Variants in GRM1 observed in about 807,000 individuals in gnomAD.
GRM1 encodes the protein glutamate metabotropic receptor 1.
A neutral mutation model predicts 90.9 loss-of-function variants in GRM1; 33 were observed. That is an observed-to-expected ratio of 0.36 (90% CI 0.28 to 0.49). GRM1 has a LOEUF of 0.49. Among genes scored for constraint, GRM1 ranks in the 20% least tolerant of loss-of-function variants. The pLI, the probability that GRM1 is intolerant of heterozygous loss-of-function variation, is 0.99. For synonymous variants in GRM1, 700 were observed against 613.2 expected (o/e 1.14, Z -2.09); for missense variants, 1,190 against 1,534.3 (o/e 0.78, Z 3.75).
intron 1 of GRM1, among the ~76,000 whole-genome samples, chr6:146,118,140 C>CTTTTTTTT (rs67033918): frequency 8.5e-4 from 98 of 115,410 alleles, no homozygotes; most frequent in East Asian, 9.8e-4. Context: ...TTCTTCTTTT[C>CTTTTTTTT]TTTTTTTTTT....
At chr6:146,125,487 C>A (rs1304072073) in intron 1 of GRM1, among the ~76,000 whole-genome samples, 1 of 150,774 alleles carries the variant, frequency 6.6e-6, no homozygotes, top group Non-Finnish European at 1.5e-5. Context: ...TTTCTCTCAC[C>A]TTTTCCACCC....
At position 146,426,094 on chromosome 6, in the gene GRM1, T is replaced by A. The variant is rs117751883; in HGVS notation, c.2661-7778T>A. 4.5e-3 allele frequency among the ~76,000 whole-genome samples: 681 copies of A among 152,306 alleles called. 31 individuals are homozygous for A. In the East Asian group the frequency reaches 0.11, roughly 24 times the overall value. On this transcript the variant is annotated intron_variant, in intron 7 of 7. Coordinates refer to ENST00000282753, the MANE Select transcript of GRM1 (RefSeq NM_001278064.2). ...TTGTGAATGCCAAGAGATAAATATA[T>A]GAAGTGACAGCAATGCATTCATTAT... is the stretch of plus-strand genomic sequence containing the variant.
intron 1 of GRM1, among the ~76,000 whole-genome samples, chr6:146,109,739 G>A (rs562255161): frequency 6.6e-6 from 1 of 152,260 alleles, no homozygotes. Context: ...CACGAAAACA[G>A]CCAGAAGGGA....
intron 2 of GRM1, among the ~76,000 whole-genome samples, chr6:146,170,592 C>T (rs981231373): frequency 6.6e-6 from 1 of 152,156 alleles, no homozygotes; most frequent in African/African-American, 2.4e-5. Context: ...ATCTTTTCAA[C>T]TCCAGAATTA....
chr6:146,249,833 C>T (rs987014683), intron 2 of GRM1, among the ~76,000 whole-genome samples: 5 of 152,134 alleles, frequency 3.3e-5, no homozygotes, highest in African/African-American at 1.2e-4. Context: ...TGAAAGCAGC[C>T]AGGGGGTGGG....
chr6:146,291,216 A>G (rs1420346022), intron 2 of GRM1, among the ~76,000 whole-genome samples: 1 of 151,890 alleles, frequency 6.6e-6, no homozygotes, highest in Non-Finnish European at 1.5e-5. Flanking sequence ...TTTCAATCTG[A>G]TAAGTTTTAT....
At chr6:146,337,801 G>A (rs940625139) in intron 3 of GRM1, among the ~76,000 whole-genome samples, 2 of 152,090 alleles carry the variant, frequency 1.3e-5, no homozygotes, top group South Asian at 4.1e-4. Context: ...AAATAATGAG[G>A]CCACAAACAG....
intron 1 of GRM1, among the ~76,000 whole-genome samples, chr6:146,119,605 A>G (rs1009139814): frequency 1.3e-5 from 2 of 152,162 alleles, no homozygotes; most frequent in Non-Finnish European, 2.9e-5. Context: ...TCCATCTTGA[A>G]TTAATTTTTG....
intron 6 of GRM1, among the ~76,000 whole-genome samples, chr6:146,397,484 G>GAAAAAAAAAAAAAAAAAAAAAAAAAAA (rs577471775): frequency 2.2e-5 from 1 of 45,044 alleles, no homozygotes; most frequent in African/African-American, 7.2e-5. Flanking sequence ...AAAAAAAAAA[G>GAAAAAAAAAAAAAAAAAAAAAAAAAAA]AAAAAAAAAA....
chr6:146,130,975 G>A (rs1442988867), intron 1 of GRM1, among the ~76,000 whole-genome samples: 1 of 152,102 alleles, frequency 6.6e-6, no homozygotes, highest in African/African-American at 2.4e-5. Context: ...GCCACTTTTT[G>A]AGTCAACCTA....
chr6:146,415,401 G>A (rs999837625), intron 7 of GRM1, among the ~76,000 whole-genome samples: 3 of 152,142 alleles, frequency 2.0e-5, no homozygotes, highest in Non-Finnish European at 4.4e-5. Flanking sequence ...AGAATGGATC[G>A]AGGTTTTTGT....
In GRM1 at chr6:146,076,198, T is replaced by C. The variant is rs550803244; in HGVS notation, c.700+45981T>C. Among the ~76,000 whole-genome samples, 3 of 152,306 alleles carry C rather than the reference T, an allele frequency of 2.0e-5. No individual in the cohort carries two copies. The South Asian group carries it at 6.2e-4, about 32-fold the overall frequency. ...TGCATAGGGTTAGTGATGAGTCGAA[T>C]AGACGGCATGAAGTCTGAGAAGAAC... On this transcript the variant is annotated intron_variant, in intron 1 of 7. Coordinates refer to ENST00000282753, the MANE Select transcript of GRM1 (RefSeq NM_001278064.2).
At chr6:146,298,373 A>G (rs577737220) in intron 2 of GRM1, among the ~76,000 whole-genome samples, 23 of 152,294 alleles carry the variant, frequency 1.5e-4, no homozygotes, top group Middle Eastern at 6.8e-3. Flanking sequence ...ATGAGAGATC[A>G]CTAAAAAATA....
chr6:146,201,231 C>T (rs1779287790), intron 2 of GRM1, among the ~76,000 whole-genome samples: 1 of 152,084 alleles, frequency 6.6e-6, no homozygotes, highest in Non-Finnish European at 1.5e-5. Flanking sequence ...CTTTTAATGT[C>T]TGTGGTTTTC....
intron 2 of GRM1, among the ~76,000 whole-genome samples, chr6:146,280,259 G>T (rs1283216446): frequency 4.6e-5 from 7 of 152,000 alleles, no homozygotes; most frequent in Admixed American, 3.9e-4. Flanking sequence ...AGATCATTTT[G>T]TGCAGCTCCC....
chr6:146,368,530 A>G (rs1273460780), intron 5 of GRM1, among the ~76,000 whole-genome samples: 1 of 152,042 alleles, frequency 6.6e-6, no homozygotes, highest in Non-Finnish European at 1.5e-5. Flanking sequence ...TGGCCTTATT[A>G]TGTTGACAGA....
chr6:146,203,142 C>T (rs1169227477), intron 2 of GRM1, among the ~76,000 whole-genome samples: 1 of 151,640 alleles, frequency 6.6e-6, no homozygotes, highest in East Asian at 1.9e-4. Flanking sequence ...TGCAGTGAGC[C>T]AAGATAGCGC....
intron 7 of GRM1, among the ~76,000 whole-genome samples, chr6:146,409,358 A>G (rs1439375102): frequency 6.6e-6 from 1 of 152,176 alleles, no homozygotes; most frequent in Non-Finnish European, 1.5e-5. Flanking sequence ...ACAGAGAGAA[A>G]TACTGTCCAT....
chr6:146,320,376 A>G (rs367945473), intron 3 of GRM1, among the ~76,000 whole-genome samples: 3 of 152,008 alleles, frequency 2.0e-5, no homozygotes, highest in Admixed American at 6.5e-5. Flanking sequence ...CAGTTTTTTT[A>G]TTGAGGATTT....
Sources: gnomAD v4.1 joint callset for allele counts (sites outside exome capture counted in the v4.1 genomes callset) on GRCh38, gnomAD v4.1.1 for gene constraint, MANE v1.5 for transcripts, NCBI Gene and HGNC (gene_info 2026-07-23, HGNC 2026-07-21) for gene names.